Variants in CENPP observed in about 807,000 individuals in gnomAD.
CENPP encodes the protein centromere protein P.
CENPP carries 24 observed loss-of-function variants against 35.6 expected under a neutral mutation model. The observed-to-expected ratio is 0.67, with a 90% CI of 0.49 to 0.95. The LOEUF (loss-of-function observed/expected upper bound fraction) is 0.95. Ranked by LOEUF, CENPP falls within the 40% of genes least tolerant of loss-of-function variation. The pLI is 0.00. For missense variants in CENPP, 332 were observed against 345.3 expected (o/e 0.96, Z 0.31); for synonymous variants, 120 against 125.5 (o/e 0.96, Z 0.29).
At chr9:92,460,559 G>T (rs151230261) in intron 5 of CENPP, 32 of 1,567,960 alleles carry the variant, frequency 2.0e-5, no homozygotes, top group Non-Finnish European at 2.6e-5. Flanking sequence ...AATAAAGTTG[G>T]TGGTAAGCCT....
chr9:92,453,928 TGGA>T (rs1844794616), intron 5 of CENPP, among the ~76,000 whole-genome samples: 2 of 151,720 alleles, frequency 1.3e-5, no homozygotes, highest in African/African-American at 2.4e-5. Flanking sequence ...GAGACCAGCC[TGGA>T]CAATTTGTGG....
chr9:92,346,311 A>G (rs1215846834), intron 4 of CENPP, among the ~76,000 whole-genome samples: 1 of 152,132 alleles, frequency 6.6e-6, no homozygotes, highest in Non-Finnish European at 1.5e-5. Context: ...GAATTTGACT[A>G]GCAGAGAGAA....
At chr9:92,334,302 G>A (rs1372987208) in intron 2 of CENPP, among the ~76,000 whole-genome samples, 1 of 152,088 alleles carries the variant, frequency 6.6e-6, no homozygotes, top group East Asian at 1.9e-4. Context: ...TGTATTTTTA[G>A]TAGTGACGGG....
At position 92,416,814 on chromosome 9, in the gene CENPP, G is replaced by A. The variant is rs574387948; in HGVS notation, c.564+36955G>A. 3.1e-6 allele frequency: 5 copies of A among 1,613,810 alleles called. No individual in the cohort carries two copies. The South Asian group carries it at 5.5e-5, about 18-fold the overall frequency. On this transcript the variant is annotated intron_variant, in intron 5 of 7. Transcript: ENST00000375587. Reference sequence around the variant, plus strand: ...GGAAGTTTGTCGAAGTATTTTTCGGGTATAGAAGAAATTGAATTATTTTCT... The same window carrying A: ...GGAAGTTTGTCGAAGTATTTTTCGGATATAGAAGAAATTGAATTATTTTCT...
chr9:92,568,609 G>A (rs1436118403), intron 5 of CENPP, among the ~76,000 whole-genome samples: 1 of 152,180 alleles, frequency 6.6e-6, no homozygotes, highest in African/African-American at 2.4e-5. Flanking sequence ...ACAGTAATGG[G>A]ATGGCTGGGT....
chr9:92,619,272 A>C lies in CENPP; in HGVS notation c.*6123A>C. 1.8e-6 allele frequency: 1 copy of C among 545,592 alleles called. No individual in the cohort carries two copies. Among genetic ancestry groups the C allele is most frequent in the South Asian group, 2.5e-5 (1 of 40,478 alleles). 33.8% of individuals were successfully genotyped at this position (545,592 alleles called of 1,614,324 possible). On this transcript the variant is annotated 3_prime_UTR_variant, in exon 8 of 8. Transcript: ENST00000375587. ...TTTCAATGTACTAACAATCCTTTTA[A>C]GTTATTCTCCATAAATCTGTCTTTT...
Position 92,379,764 on chromosome 9 carries a change from G to A in CENPP, c.469G>A (p.Ala157Thr). 2 of 1,599,882 alleles carry A rather than the reference G, an allele frequency of 1.3e-6. No individual in the cohort carries two copies. The highest frequency in any genetic ancestry group is 1.7e-6 in the Non-Finnish European group (2 of 1,167,206). The change falls in exon 5 of 8, where the codon GCA (alanine) becomes ACA (threonine). Residue 157 changes from alanine to threonine, a missense_variant and splice_region_variant. Transcript: ENST00000375587. ...CSELSEFVSR[A>T]EERKDLFMFF... The stretch of plus-strand genomic sequence containing the variant: ...TCAGAGAATCATTTATTCCTACAGA[G>A]CAGAAGAGAGAAAAGATCTGTTCAT...
chr9:92,438,826 G>A lies in CENPP; in HGVS notation c.564+58967G>A, dbSNP rs534409396. Among the ~76,000 whole-genome samples the A allele has an allele frequency of 2.0e-5, 3 of 152,332 alleles. No individual in the cohort carries two copies. In the East Asian group the frequency reaches 5.8e-4, roughly 29 times the overall value. On this transcript the variant is annotated intron_variant, in intron 5 of 7. Coordinates refer to ENST00000375587, the MANE Select transcript of CENPP (RefSeq NM_001012267.3). ...AAATTAACCAGGCATGGTGGCATGT[G>A]CCTGTAATCCCAGCTGCTTGGGAGG...
chr9:92,555,806 G>A (rs1849712155), intron 5 of CENPP, among the ~76,000 whole-genome samples: 1 of 151,984 alleles, frequency 6.6e-6, no homozygotes, highest in African/African-American at 2.4e-5. Context: ...CTTGCTAATG[G>A]TCTATCAATT....
chr9:92,466,460 G>A, intron 5 of CENPP: 2 of 1,610,872 alleles, frequency 1.2e-6, no homozygotes, highest in South Asian at 2.2e-5. Context: ...GGAAGATTAA[G>A]TGGTATTTCA....
At chr9:92,373,926 T>C (rs780970392) in intron 4 of CENPP, among the ~76,000 whole-genome samples, 1 of 152,144 alleles carries the variant, frequency 6.6e-6, no homozygotes, top group Non-Finnish European at 1.5e-5. Flanking sequence ...TTTGTAGGTG[T>C]CCTGTTTTCT....
At chr9:92,452,306 G>A (rs1226837625) in intron 5 of CENPP, among the ~76,000 whole-genome samples, 1 of 152,036 alleles carries the variant, frequency 6.6e-6, no homozygotes, top group Non-Finnish European at 1.5e-5. Context: ...TTTTTAGCAT[G>A]AAGGGTTGTT....
At chr9:92,474,959 G>T (rs910346261) in intron 5 of CENPP, 36 of 1,498,574 alleles carry the variant, frequency 2.4e-5, no homozygotes, top group Non-Finnish European at 3.2e-5. Flanking sequence ...AATTTAAATG[G>T]ATATAATTCC....
At chr9:92,505,740 A>T in intron 5 of CENPP, 1 of 1,433,458 alleles carries the variant, frequency 7.0e-7, no homozygotes, top group Non-Finnish European at 9.4e-7. Flanking sequence ...AAAACCATGC[A>T]AATTTTTGTA....
At chr9:92,366,263 A>G (rs1200750009) in intron 4 of CENPP, among the ~76,000 whole-genome samples, 2 of 152,120 alleles carry the variant, frequency 1.3e-5, no homozygotes, top group African/African-American at 2.4e-5. Context: ...AGAATAAAAT[A>G]TATCTGAGAA....
chr9:92,460,522 A>C, intron 5 of CENPP: 1 of 1,606,508 alleles, frequency 6.2e-7, no homozygotes, highest in Non-Finnish European at 8.5e-7. Context: ...CACTGTTGAA[A>C]TTTTATTATA....
At chr9:92,352,232 T>C (rs964952632) in intron 4 of CENPP, among the ~76,000 whole-genome samples, 4 of 149,978 alleles carry the variant, frequency 2.7e-5, no homozygotes, top group African/African-American at 9.8e-5. Context: ...TAGCTGAGTG[T>C]GGTGGTGGGC....
intron 5 of CENPP, among the ~76,000 whole-genome samples, chr9:92,569,557 A>G (rs553868829): frequency 2.3e-4 from 35 of 152,290 alleles, no homozygotes; most frequent in East Asian, 1.7e-3. Flanking sequence ...TGTCTTGGAA[A>G]TGCGGGCTCT....
At chr9:92,423,298 A>C (rs1843870144) in intron 5 of CENPP, among the ~76,000 whole-genome samples, 1 of 152,180 alleles carries the variant, frequency 6.6e-6, no homozygotes, top group South Asian at 2.1e-4. Flanking sequence ...TGAATTTTTC[A>C]TATTATAGCA....
Sources: gnomAD v4.1 joint callset for allele counts (sites outside exome capture counted in the v4.1 genomes callset) on GRCh38, gnomAD v4.1.1 for gene constraint, MANE v1.5 for transcripts, NCBI Gene and HGNC (gene_info 2026-07-23, HGNC 2026-07-21) for gene names.